Variants in SPEN observed in about 807,000 individuals in gnomAD.
SPEN encodes the protein msx2-interacting protein.
A neutral mutation model predicts 269.9 loss-of-function variants in SPEN; 18 were observed. The ratio of observed to expected loss-of-function variants is 0.07; its 90% CI spans 0.05 to 0.10. SPEN has a LOEUF of 0.10. Ranked by LOEUF, SPEN falls within the 10% of genes least tolerant of loss-of-function variation. SPEN has a pLI of 1.00. For missense variants in SPEN, 3,822 were observed against 4,631.2 expected, an observed-to-expected ratio of 0.83 and a Z score of 5.07; for synonymous variants, 1,726 against 1,765.7, an observed-to-expected ratio of 0.98 and a Z score of 0.56.
chr1:15,865,359 T>C (rs2070494256), intron 1 of SPEN, among the ~76,000 whole-genome samples: 1 of 150,890 alleles, frequency 6.6e-6, no homozygotes, highest in South Asian at 2.1e-4. Flanking sequence ...GGCGAGTGTG[T>C]TTGTTTTAAT....
In SPEN at chr1:15,937,205, G is replaced by A. The variant is rs1162919224; in HGVS notation, c.10069G>A (p.Val3357Met). 6.2e-7 allele frequency: 1 copy of A among 1,613,492 alleles called. No individual in the cohort carries two copies. Among genetic ancestry groups the A allele is most frequent in the Non-Finnish European group, 8.5e-7 (1 of 1,179,932 alleles). ...TGAGCCCCTGCAGCCTCCTCAGCCT[G>A]TGCAGTCCACACAGCCTGCCCAGCC... is the stretch of plus-strand genomic sequence containing the variant. ...EGEPLQPPQP[V>M]QSTQPAQPAP... Residue 3357 changes from valine (V) to methionine (M), a missense_variant, in exon 12 of 15, where the codon GTG (valine) becomes ATG (methionine). Physicochemically the swap from Val to Met is conservative, Grantham distance 21. Coordinates refer to ENST00000375759, the MANE Select transcript of SPEN (RefSeq NM_015001.3). This position sits in a 1 kb window ranked among gnomAD's most constrained non-coding sequence, Gnocchi z 5.7.
chr1:15,857,901 G>C (rs1005330206), intron 1 of SPEN, among the ~76,000 whole-genome samples: 6 of 151,928 alleles, frequency 3.9e-5, no homozygotes. Context: ...AGGCCGAGGT[G>C]GGTGGATCAT....
rs143678058 is a variant in SPEN at position 15,898,764 on chromosome 1, T to C, written c.882-10557T>C. Among the ~76,000 whole-genome samples the C allele has an allele frequency of 3.1e-3, 467 of 152,220 alleles. 1 individual carries two copies. The highest frequency in any genetic ancestry group is 6.8e-3 in the Middle Eastern group (2 of 294). On this transcript the variant is annotated intron_variant, in intron 3 of 14. Coordinates refer to ENST00000375759, the MANE Select transcript of SPEN (RefSeq NM_015001.3). ...TTTTAGTAGAGATGGGGTTTCACCA[T>C]GTTGGCCACGCTGGTCTTGAATTCC...
intron 3 of SPEN, among the ~76,000 whole-genome samples, chr1:15,891,800 A>G (rs749171398): frequency 6.6e-6 from 1 of 151,740 alleles, no homozygotes; most frequent in Non-Finnish European, 1.5e-5. Context: ...TAATATAAAA[A>G]CCATTAAGAA....
In SPEN at chr1:15,938,774, T is replaced by G. The variant is rs1474128714; in HGVS notation, c.10761T>G (p.Asp3587Glu). The G allele has an allele frequency of 6.2e-7, 1 of 1,613,910 alleles. No individual in the cohort carries two copies. Among genetic ancestry groups the G allele is most frequent in the Non-Finnish European group, 8.5e-7 (1 of 1,180,012 alleles). The change falls in exon 14 of 15, where the codon GAT becomes GAG. Residue 3587 changes from aspartate (D) to glutamate (E), a missense_variant. Transcript: ENST00000375759. Reference sequence around the variant, plus strand: ...TGCCCTGTGGCCGTGACCAAGAGGATGTTGTGAGCCAGACCGAGTCCCTCA... The same window carrying G: ...TGCCCTGTGGCCGTGACCAAGAGGAGGTTGTGAGCCAGACCGAGTCCCTCA... ...LALPCGRDQE[D>E]VVSQTESLKA...
chr1:15,906,016 T>G (rs903980271), intron 3 of SPEN, among the ~76,000 whole-genome samples: 4 of 152,266 alleles, frequency 2.6e-5, no homozygotes, highest in African/African-American at 4.8e-5. Context: ...ACTTTATGAT[T>G]ATTGCCATTG....
In SPEN at chr1:15,939,617, A is replaced by C. The variant is rs2071317459; in HGVS notation, c.*190A>C. On this transcript the variant is annotated 3_prime_UTR_variant, in exon 15 of 15. Coordinates refer to ENST00000375759, the MANE Select transcript of SPEN (RefSeq NM_015001.3). The surrounding 1 kb of genome is among the most constrained non-coding windows in gnomAD (Gnocchi z 4.1). ...TCTAGGAGTGGTGCTGCTACCTTGT[A>C]TGTTTACATAATGCTTTAGCCCAAG... The C allele has an allele frequency of 8.8e-6, 5 of 565,502 alleles. No homozygotes were observed. Among genetic ancestry groups the C allele is most frequent in the Admixed American group, 4.2e-5 (1 of 24,048 alleles). 35.0% of individuals were successfully genotyped at this position (565,502 alleles called of 1,614,324 possible).
intron 3 of SPEN, among the ~76,000 whole-genome samples, chr1:15,899,526 CAT>C (rs1226849568): frequency 4.3e-5 from 6 of 137,938 alleles, no homozygotes; most frequent in Admixed American, 3.1e-4. Context: ...AGTGATGTAT[CAT>C]GTGGCAGAGT....
chr1:15,916,071 T>C, intron 5 of SPEN, 57 bp from the exon 6 acceptor site: 2 of 1,542,620 alleles, frequency 1.3e-6, no homozygotes, highest in Non-Finnish European at 1.7e-6. Flanking sequence ...CCATGATATA[T>C]AAATATGCAT....
chr1:15,938,152 G>T, intron 13 of SPEN, 146 bp downstream of exon 13: 1 of 765,822 alleles, frequency 1.3e-6, no homozygotes, highest in Non-Finnish European at 2.0e-6. Context: ...CGCCTGGGCT[G>T]GAGTGCAGCG....
intron 3 of SPEN, among the ~76,000 whole-genome samples, chr1:15,895,667 T>TTATAC (rs890778333): frequency 1.3e-5 from 2 of 151,596 alleles, no homozygotes; most frequent in African/African-American, 4.9e-5. Context: ...AAATAATTAC[T>TTATAC]TATACTTAAC....
At position 15,933,727 on chromosome 1, in the gene SPEN, C is replaced by A. The variant is rs1303546563; in HGVS notation, c.7487C>A (p.Thr2496Asn). 1.9e-6 allele frequency: 3 copies of A among 1,614,058 alleles called. No homozygotes were observed. The highest frequency in any genetic ancestry group is 2.5e-6 in the Non-Finnish European group (3 of 1,180,020). Residue 2496 changes from threonine to asparagine, a missense_variant, in exon 11 of 15, where the codon ACT becomes AAT. Physicochemically the swap from Thr to Asn is moderately conservative, Grantham distance 65 (BLOSUM62 0). Around this residue, in one of 16 missense-constraint regions of SPEN, gnomAD observed 727 missense variants for 737.9 expected, o/e 0.99. Transcript: ENST00000375759. The surrounding 1 kb of genome is among the most constrained non-coding windows in gnomAD (Gnocchi z 5.7). Reference protein sequence around the residue: ...SGGIPHQSPPTKVTEWITRQE... With the variant: ...SGGIPHQSPPNKVTEWITRQE... ...GGGATCCCACACCAGAGCCCCCCTA[C>A]TAAGGTGACAGAGTGGATCACAAGG...
intron 2 of SPEN, chr1:15,873,952 T>A: frequency 8.5e-7 from 1 of 1,179,794 alleles, no homozygotes; most frequent in Non-Finnish European, 1.1e-6. Context: ...TTTGAACACA[T>A]GGTGATGATC....
chr1:15,848,619 G>A lies in SPEN; in HGVS notation c.83+469G>A, dbSNP rs1220183044. On this transcript the variant is annotated intron_variant, in intron 1 of 14. Transcript: ENST00000375759. This position sits in a 1 kb window ranked among gnomAD's most constrained non-coding sequence, Gnocchi z 5.1. ...CTCGGCAATGTCTGACTTCGGGAGG[G>A]TTCCGTGCGAAGGGAAAGGCGGTGC... Among the ~76,000 whole-genome samples the A allele has an allele frequency of 2.0e-5, 3 of 152,226 alleles. No homozygotes were observed. Among genetic ancestry groups the A allele is most frequent in the African/African-American group, 4.8e-5 (2 of 41,468 alleles).
intron 1 of SPEN, among the ~76,000 whole-genome samples, chr1:15,864,281 G>A (rs2148706798): frequency 6.6e-6 from 1 of 151,688 alleles, no homozygotes; most frequent in Non-Finnish European, 1.5e-5. Flanking sequence ...TGATTCTCGT[G>A]TCTCAGCCTC....
chr1:15,872,733 C>G (rs965592017), intron 1 of SPEN, 83 bp from the exon 2 acceptor site: 13 of 1,170,324 alleles, frequency 1.1e-5, no homozygotes, highest in Non-Finnish European at 1.3e-5. Flanking sequence ...ACATACATAA[C>G]GCAAATTGTC....
Position 15,934,601 on chromosome 1 carries a change from A to G in SPEN, c.8361A>G (p.Pro2787=). ...CTAATGAAAACAGTCGGTTCCACCCAGGGTCCATGCCTGTGATCGACGATC... is the reference window on the plus strand; with the variant it reads ...CTAATGAAAACAGTCGGTTCCACCCGGGGTCCATGCCTGTGATCGACGATC... ...ASANENSRFH[P]GSMPVIDDRP... is the part of the protein sequence containing the mutation. Residue 2787 remains proline (P), a synonymous_variant, in exon 11 of 15, where the codon CCA becomes CCG. Transcript: ENST00000375759. The surrounding 1 kb of genome is among the most constrained non-coding windows in gnomAD (Gnocchi z 9.2). 2 of 1,614,136 alleles carry G rather than the reference A, an allele frequency of 1.2e-6. No individual in the cohort carries two copies. The highest frequency in any genetic ancestry group is 2.2e-5 in the East Asian group (1 of 44,878).
intron 1 of SPEN, among the ~76,000 whole-genome samples, chr1:15,849,309 T>A (rs191926636): frequency 1.3e-5 from 2 of 152,364 alleles, no homozygotes; most frequent in Admixed American, 1.3e-4. Context: ...TCCTCATTAA[T>A]GAGTCACCAT....
Position 15,935,195 on chromosome 1 carries a change from C to G in SPEN, c.8955C>G (p.His2985Gln). Residue 2985 changes from histidine (H) to glutamine (Q), a missense_variant, in exon 11 of 15, where the codon CAC becomes CAG. By Grantham distance (24) the His-to-Gln change is conservative (BLOSUM62 0). This residue lies in a region of SPEN where 94 missense variants were observed against 90.4 expected (regional missense o/e 1.04). Transcript: ENST00000375759. This position sits in a 1 kb window ranked among gnomAD's most constrained non-coding sequence, Gnocchi z 7.7. The part of the protein sequence containing the change: ...PANLGSTLTP[H>Q]HPPALPSKLP... Reference sequence around the variant, plus strand: ...ACCTGGGGTCCACGCTCACGCCCCACCACCCTCCTGCTCTGCCCAGCAAAC... The same window carrying G: ...ACCTGGGGTCCACGCTCACGCCCCAGCACCCTCCTGCTCTGCCCAGCAAAC... The G allele has an allele frequency of 6.2e-7, 1 of 1,614,066 alleles. No homozygotes were observed. The highest frequency in any genetic ancestry group is 8.5e-7 in the Non-Finnish European group (1 of 1,179,960).
Sources: gnomAD v4.1 joint callset for allele counts (sites outside exome capture counted in the v4.1 genomes callset) on GRCh38, gnomAD v4.1.1 for gene constraint, gnomAD v4.1.1 regional missense constraint, Gnocchi (gnomAD v3.1) non-coding constraint, MANE v1.5 for transcripts, NCBI Gene and HGNC (gene_info 2026-07-23, HGNC 2026-07-21) for gene names.